Variants in CCDC7 observed in about 807,000 individuals in gnomAD.
CCDC7 encodes coiled-coil domain-containing protein 7.
CCDC7 carries 183 observed loss-of-function variants against 196.9 expected under a neutral mutation model. That is an observed-to-expected ratio of 0.93 (90% CI 0.82 to 1.05). The LOEUF is 1.05. CCDC7 is among the 50% of genes least tolerant of loss of function. CCDC7 has a pLI of 0.00. For synonymous variants in CCDC7, 525 were observed against 484.6 expected (o/e 1.08, Z -1.10); for missense variants, 1,540 against 1,482.2 (o/e 1.04, Z -0.64).
chr10:32,639,582 T>A (rs2066328373), intron 20 of CCDC7, among the ~76,000 whole-genome samples: 1 of 152,130 alleles, frequency 6.6e-6, no homozygotes, highest in Admixed American at 6.5e-5. Context: ...GAGTTCTAGT[T>A]TGATTGCACT....
intron 21 of CCDC7, among the ~76,000 whole-genome samples, chr10:32,666,384 G>GT (rs879588542): frequency 1.5e-4 from 23 of 151,250 alleles, no homozygotes; most frequent in Admixed American, 7.9e-4. Context: ...TATTTCTTTT[G>GT]TTTTTTTTAT....
intron 30 of CCDC7, among the ~76,000 whole-genome samples, chr10:32,809,559 TG>T (rs2086614702): frequency 6.6e-6 from 1 of 152,030 alleles, no homozygotes; most frequent in Admixed American, 6.6e-5. Flanking sequence ...CATCAAAAAG[TG>T]GGCAAAGGAT....
At chr10:32,795,340 C>A (rs1278955190) in intron 29 of CCDC7, among the ~76,000 whole-genome samples, 1 of 152,090 alleles carries the variant, frequency 6.6e-6, no homozygotes, top group Non-Finnish European at 1.5e-5. Context: ...TCTGCTTGAT[C>A]TATTCTGCTG....
At position 32,738,721 on chromosome 10, in the gene CCDC7, G is replaced by A. The variant is rs541839270; in HGVS notation, c.2905+9264G>A. Among the ~76,000 whole-genome samples the A allele has an allele frequency of 6.6e-5, 10 of 151,888 alleles. No individual in the cohort carries two copies. In the South Asian group the frequency reaches 2.1e-3, roughly 32 times the overall value. ...ACTCCTGAGCTCAAGCAATCCATCT[G>A]CTTTAGCCTCCCAAAATGCTGGGAC... On this transcript the variant is annotated intron_variant, in intron 28 of 41. Coordinates refer to ENST00000639629, the Ensembl canonical transcript of CCDC7.
downstream of CCDC7, among the ~76,000 whole-genome samples, chr10:32,880,710 A>C (rs959666594): frequency 6.6e-6 from 1 of 152,130 alleles, no homozygotes; most frequent in African/African-American, 2.4e-5. Flanking sequence ...ATCTTGAGTT[A>C]ATTTTTGTAT....
chr10:32,561,850 G>C (rs1296552348), intron 13 of CCDC7, among the ~76,000 whole-genome samples: 1 of 151,994 alleles, frequency 6.6e-6, no homozygotes, highest in Non-Finnish European at 1.5e-5. Flanking sequence ...CAAAAAATTA[G>C]TGAATCCAGG....
intron 30 of CCDC7, among the ~76,000 whole-genome samples, chr10:32,813,184 A>G (rs2087565921): frequency 6.6e-6 from 1 of 152,230 alleles, no homozygotes; most frequent in Non-Finnish European, 1.5e-5. Context: ...ATACTCTGCT[A>G]GAGCCAATTC....
chr10:32,818,402 C>A (rs1223452492), intron 31 of CCDC7, among the ~76,000 whole-genome samples: 2 of 150,310 alleles, frequency 1.3e-5, no homozygotes, highest in South Asian at 2.1e-4. Context: ...GACTTTAACA[C>A]CCCACTGTCA....
chr10:32,702,877 C>A (rs1310095312), intron 24 of CCDC7, among the ~76,000 whole-genome samples: 1 of 152,166 alleles, frequency 6.6e-6, no homozygotes, highest in African/African-American at 2.4e-5. Flanking sequence ...GGTAGATCTT[C>A]CTCCATCCCT....
rs2037857845 is a variant in CCDC7, at chr10:32,471,127, AAT to A, written c.577_578del (p.Ile193CysfsTer11). 1 of 1,612,580 alleles carries A rather than the reference AAT, an allele frequency of 6.2e-7. No individual in the cohort carries two copies. Among genetic ancestry groups the A allele is most frequent in the African/African-American group, 1.3e-5 (1 of 74,890 alleles). On this transcript the variant is annotated frameshift_variant, in exon 6 of 42. Coordinates refer to ENST00000639629, the Ensembl canonical transcript of CCDC7. LOFTEE classifies it high-confidence loss of function. ...AAAACCTGACAAAACAGTCATTTTA[AAT>A]ATTGCAGAAATAGTAAGGCTTGTAC...
chr10:32,860,775 CAGAG>C (rs1555202355), intron 41 of CCDC7, among the ~76,000 whole-genome samples: 4 of 151,992 alleles, frequency 2.6e-5, no homozygotes, highest in Non-Finnish European at 5.9e-5. Context: ...CAATAACAAA[CAGAG>C]AGCCAAATCA....
Position 32,779,093 on chromosome 10 carries a change from A to G in CCDC7, c.3013+9A>G. On this transcript the variant is annotated intron_variant, in intron 29 of 41. Coordinates refer to ENST00000639629, the Ensembl canonical transcript of CCDC7. Reference sequence around the variant, plus strand: ...TTTAAACAAAGTGGTCGGTAAGTATAGATTTATGTTTGGATACAGTAGAAC... The same window carrying G: ...TTTAAACAAAGTGGTCGGTAAGTATGGATTTATGTTTGGATACAGTAGAAC... 6.6e-7 allele frequency: 1 copy of G among 1,517,232 alleles called. No homozygotes were observed. The highest frequency in any genetic ancestry group is 8.9e-7 in the Non-Finnish European group (1 of 1,117,410). The allele number at this position is 1,517,232 out of a possible 1,614,324, so 94.0% of individuals were successfully genotyped here.
At chr10:32,690,089 T>C (rs1318977603) in intron 23 of CCDC7, among the ~76,000 whole-genome samples, 1 of 152,204 alleles carries the variant, frequency 6.6e-6, no homozygotes. Context: ...CAGTCTCCTC[T>C]GGAATGAGAT....
rs556673977 is a variant in CCDC7 at position 32,745,611 on chromosome 10, T to C, written c.2905+16154T>C. Among the ~76,000 whole-genome samples, 3 of 152,262 alleles carry C rather than the reference T, an allele frequency of 2.0e-5. No homozygotes were observed. The East Asian group carries it at 5.8e-4, about 29-fold the overall frequency. On this transcript the variant is annotated intron_variant, in intron 28 of 41. Coordinates refer to ENST00000639629, the Ensembl canonical transcript of CCDC7. ...GAGGGACCTGCCCTCATGACCTAAA[T>C]ACCTAACACCAGCTACGACCTCCAA...
chr10:32,826,264 T>C (rs7089489), intron 32 of CCDC7, among the ~76,000 whole-genome samples: 9,294 of 152,270 alleles, frequency 0.061, 881 homozygotes, highest in African/African-American at 0.2. Context: ...AGTTTTCTAA[T>C]TTATATGAGC....
intron 21 of CCDC7, among the ~76,000 whole-genome samples, chr10:32,666,120 CTTTTTTT>C (rs35052301): frequency 1.5e-5 from 2 of 130,808 alleles, no homozygotes; most frequent in Non-Finnish European, 3.3e-5. Context: ...TATTCTTTTT[CTTTTTTT>C]TTTTTTTTTC....
chr10:32,472,226 G>A (rs2038098052), intron 6 of CCDC7, among the ~76,000 whole-genome samples: 1 of 152,062 alleles, frequency 6.6e-6, no homozygotes, highest in Non-Finnish European at 1.5e-5. Flanking sequence ...TGCTGTTTTT[G>A]TTGTGAATGT....
chr10:32,625,519 C>T (rs778229303), intron 18 of CCDC7, among the ~76,000 whole-genome samples: 14 of 151,812 alleles, frequency 9.2e-5, no homozygotes, highest in Non-Finnish European at 1.6e-4. Flanking sequence ...TTATGATTTA[C>T]GAATATAATG....
intron 28 of CCDC7, among the ~76,000 whole-genome samples, chr10:32,738,900 G>A (rs1381582485): frequency 1.3e-5 from 2 of 151,092 alleles, no homozygotes; most frequent in Non-Finnish European, 1.5e-5. Context: ...AAGGATACTG[G>A]CAACAAATTA....
Sources: gnomAD v4.1 joint callset for allele counts (sites outside exome capture counted in the v4.1 genomes callset) on GRCh38, gnomAD v4.1.1 for gene constraint, MANE v1.5 for transcripts, NCBI Gene and HGNC (gene_info 2026-07-23, HGNC 2026-07-21) for gene names.